Variants in UVRAG observed in about 807,000 individuals in gnomAD.
The protein encoded by UVRAG is UV radiation resistance-associated gene protein.
UVRAG carries 19 observed loss-of-function variants against 78.0 expected under a neutral mutation model. The observed-to-expected ratio is 0.24, with a 90% CI of 0.17 to 0.36. UVRAG has a LOEUF of 0.36. UVRAG is among the 10% of genes least tolerant of loss of function. UVRAG has a pLI of 1.00. For missense variants in UVRAG, 740 were observed against 853.8 expected (o/e 0.87, Z 1.66); for synonymous variants, 323 against 324.6 (o/e 1.00, Z 0.05).
intron 8 of UVRAG, among the ~76,000 whole-genome samples, 199 bp from the exon 9 acceptor site, chr11:76,003,806 A>G (rs538029693): frequency 6.6e-6 from 1 of 152,290 alleles, no homozygotes; most frequent in Admixed American, 6.5e-5. Context: ...GGCTTCTGCC[A>G]GAGGCTGGAC....
chr11:76,062,260 C>G (rs142860045), intron 12 of UVRAG, among the ~76,000 whole-genome samples: 2 of 152,148 alleles, frequency 1.3e-5, no homozygotes, highest in African/African-American at 4.8e-5. Flanking sequence ...TATTTTAGAT[C>G]TTTTCATCAA....
intron 13 of UVRAG, among the ~76,000 whole-genome samples, chr11:76,113,883 G>A (rs1952127841): frequency 6.6e-6 from 1 of 152,054 alleles, no homozygotes; most frequent in African/African-American, 2.4e-5. Context: ...AGCAAATGGA[G>A]AGTTAAGACC....
intron 12 of UVRAG, among the ~76,000 whole-genome samples, chr11:76,055,926 G>A (rs1484449135): frequency 6.6e-6 from 1 of 152,124 alleles, no homozygotes; most frequent in African/African-American, 2.4e-5. Context: ...AGCCAGGATG[G>A]TCTCGATCTC....
intron 1 of UVRAG, among the ~76,000 whole-genome samples, chr11:75,850,733 G>T (rs530575978): frequency 6.6e-6 from 1 of 152,216 alleles, no homozygotes; most frequent in African/African-American, 2.4e-5. Context: ...GTAATCCAGG[G>T]TGTGAAATGG....
chr11:75,844,940 G>A (rs1201732952), intron 1 of UVRAG, among the ~76,000 whole-genome samples: 1 of 152,144 alleles, frequency 6.6e-6, no homozygotes, highest in Non-Finnish European at 1.5e-5. Context: ...TGCTGGGATT[G>A]CAGGTGTAAA....
At chr11:76,114,700 G>A (rs544978158) in intron 13 of UVRAG, among the ~76,000 whole-genome samples, 1 of 152,262 alleles carries the variant, frequency 6.6e-6, no homozygotes, top group South Asian at 2.1e-4. Context: ...CTTTCTCTAA[G>A]TATCACTCAA....
At chr11:75,827,286 A>G (rs566852718) in intron 1 of UVRAG, among the ~76,000 whole-genome samples, 8 of 152,254 alleles carry the variant, frequency 5.3e-5, no homozygotes, top group African/African-American at 1.9e-4. Context: ...AGTGAATACA[A>G]GTAATTCGTG....
At chr11:76,032,605 A>G (rs1394589386) in intron 12 of UVRAG, among the ~76,000 whole-genome samples, 2 of 152,322 alleles carry the variant, frequency 1.3e-5, no homozygotes, top group East Asian at 3.9e-4. Flanking sequence ...ATGCACAGCA[A>G]GTCAGCAGAG....
chr11:75,976,328 C>G (rs1949238981), intron 7 of UVRAG, among the ~76,000 whole-genome samples: 1 of 152,092 alleles, frequency 6.6e-6, no homozygotes, highest in African/African-American at 2.4e-5. Context: ...CTAAAATTCT[C>G]TTTTTTCATT....
chr11:75,961,682 G>T (rs1948914282), intron 7 of UVRAG, 133 bp downstream of exon 7: 2 of 596,446 alleles, frequency 3.4e-6, no homozygotes, highest in South Asian at 6.8e-5. Flanking sequence ...AGTTCTATTG[G>T]CATTTAAATG....
chr11:76,061,771 G>A (rs1399369868), intron 12 of UVRAG, among the ~76,000 whole-genome samples: 3 of 152,176 alleles, frequency 2.0e-5, no homozygotes, highest in Non-Finnish European at 4.4e-5. Context: ...GCGAGGGTCC[G>A]CAGCTTCATT....
chr11:76,004,392 C>G (rs994009867), intron 9 of UVRAG, among the ~76,000 whole-genome samples: 2 of 151,920 alleles, frequency 1.3e-5, no homozygotes, highest in Non-Finnish European at 2.9e-5. Context: ...CTTCTACATG[C>G]GGTTTAGCTT....
intron 13 of UVRAG, among the ~76,000 whole-genome samples, chr11:76,071,799 A>G (rs1951315345): frequency 6.6e-6 from 1 of 152,114 alleles, no homozygotes; most frequent in Non-Finnish European, 1.5e-5. Context: ...GAGATGAGGG[A>G]AAAAAAGGAA....
intron 14 of UVRAG, among the ~76,000 whole-genome samples, chr11:76,119,497 G>A (rs570291458): frequency 4.5e-4 from 69 of 152,146 alleles, no homozygotes; most frequent in African/African-American, 1.6e-3. Context: ...TCTGCCCCTG[G>A]GAGTATTAGA....
intron 13 of UVRAG, among the ~76,000 whole-genome samples, chr11:76,096,679 A>G (rs1951790929): frequency 6.6e-6 from 1 of 152,166 alleles, no homozygotes; most frequent in Admixed American, 6.5e-5. Context: ...GCTCTACTCC[A>G]TAGAATTCTG....
At chr11:76,137,450 A>G in intron 14 of UVRAG, 2 of 456,278 alleles carry the variant, frequency 4.4e-6, no homozygotes, top group South Asian at 3.1e-5. Context: ...CTTTTTTAAG[A>G]TGGTAAGAAA....
chr11:76,134,838 A>G (rs1055624914), intron 14 of UVRAG, among the ~76,000 whole-genome samples: 94 of 152,290 alleles, frequency 6.2e-4, no homozygotes, highest in African/African-American at 2.1e-3. Flanking sequence ...ATATGCCCAC[A>G]GTCATATAAC....
chr11:76,101,718 A>C (rs1262441386), intron 13 of UVRAG, among the ~76,000 whole-genome samples: 1 of 152,138 alleles, frequency 6.6e-6, no homozygotes, highest in Non-Finnish European at 1.5e-5. Flanking sequence ...TTTGGGTTGT[A>C]CATGTAAGTC....
At chr11:75,969,330 A>T (rs1050981309) in intron 7 of UVRAG, among the ~76,000 whole-genome samples, 2 of 152,160 alleles carry the variant, frequency 1.3e-5, no homozygotes, top group African/African-American at 4.8e-5. Context: ...TTCCTTCCTG[A>T]TTAAAGCTGA....
Sources: gnomAD v4.1 joint callset for allele counts (sites outside exome capture counted in the v4.1 genomes callset) on GRCh38, gnomAD v4.1.1 for gene constraint, MANE v1.5 for transcripts, NCBI Gene and HGNC (gene_info 2026-07-23, HGNC 2026-07-21) for gene names.